The following IL1RAPL1 variants were observed in gnomAD, a reference collection of about 807,000 sequenced individuals.
The protein encoded by IL1RAPL1 is interleukin 1 receptor accessory protein like 1, also known as interleukin-1 receptor accessory protein-like 1.
A neutral mutation model predicts 48.4 loss-of-function variants in IL1RAPL1; 3 were observed. The ratio of observed to expected loss-of-function variants is 0.06; its 90% CI spans 0.03 to 0.16. The LOEUF is 0.16. Among genes scored for constraint, IL1RAPL1 ranks in the 10% least tolerant of loss-of-function variants. IL1RAPL1 has a pLI of 1.00. For missense variants in IL1RAPL1, 349 were observed against 530.6 expected, an observed-to-expected ratio of 0.66 and a Z score of 3.36; for synonymous variants, 185 against 187.7, an observed-to-expected ratio of 0.99 and a Z score of 0.12.
At chrX:28,910,394 A>G (rs772411217) in intron 2 of IL1RAPL1, among the ~76,000 whole-genome samples, 101 of 110,831 alleles carry the variant, frequency 9.1e-4, no homozygotes, top group Middle Eastern at 4.7e-3. Context: ...TTATAGGTCA[A>G]TACATATTTA....
intron 5 of IL1RAPL1, among the ~76,000 whole-genome samples, chrX:29,605,509 C>T (rs1024658038): frequency 2.7e-5 from 3 of 110,338 alleles, no homozygotes; most frequent in African/African-American, 9.9e-5. Flanking sequence ...ACCTTCAAAG[C>T]GGGAATCCTT....
intron 1 of IL1RAPL1, among the ~76,000 whole-genome samples, chrX:28,740,149 C>T (rs774570381): frequency 1.8e-5 from 2 of 111,624 alleles, no homozygotes; most frequent in East Asian, 5.7e-4. Flanking sequence ...AAGTAGAAAT[C>T]ATAAATCCAA....
Position 29,603,152 on chromosome X carries a change from G to T in IL1RAPL1, c.704-65278G>T, listed in dbSNP as rs528448591. Among the ~76,000 whole-genome samples the T allele has an allele frequency of 9.2e-5, 10 of 109,168 alleles. No homozygotes were observed. In the South Asian group the frequency reaches 4.0e-3, roughly 44 times the overall value. 94.8% of individuals were successfully genotyped at this position (109,168 alleles called of 115,157 possible). Reference sequence around the variant, plus strand: ...GTGGTGATGGGCGCCTGTAATCCCAGCTACTCAGGAGTCTGAGGCAGGAGA... The same window carrying T: ...GTGGTGATGGGCGCCTGTAATCCCATCTACTCAGGAGTCTGAGGCAGGAGA... On this transcript the variant is annotated intron_variant, in intron 5 of 10. Transcript: ENST00000378993.
At chrX:29,132,414 A>G in intron 2 of IL1RAPL1, among the ~76,000 whole-genome samples, 1 of 112,058 alleles carries the variant, frequency 8.9e-6, no homozygotes, top group South Asian at 3.7e-4. Context: ...GTTTAGATAC[A>G]CAAATAATTA....
chrX:29,953,540 A>C (rs1469860597), intron 9 of IL1RAPL1, among the ~76,000 whole-genome samples: 1 of 112,077 alleles, frequency 8.9e-6, no homozygotes, highest in African/African-American at 3.2e-5. Context: ...AGTTTCTTTT[A>C]CTTACATTCT....
At chrX:28,986,973 T>A (rs929214771) in intron 2 of IL1RAPL1, among the ~76,000 whole-genome samples, 4 of 112,264 alleles carry the variant, frequency 3.6e-5, no homozygotes, top group African/African-American at 9.7e-5. Flanking sequence ...TATCTTTGAA[T>A]TTTCACTGAG....
At chrX:29,919,264 A>T (rs1378394354) in intron 7 of IL1RAPL1, among the ~76,000 whole-genome samples, 1 of 111,932 alleles carries the variant, frequency 8.9e-6, no homozygotes, top group Non-Finnish European at 1.9e-5. Flanking sequence ...AAATAAATGA[A>T]GGACAATTAA....
Position 28,656,568 on chromosome X carries a change from A to G in IL1RAPL1, c.-25+68521A>G, listed in dbSNP as rs938869464. Among the ~76,000 whole-genome samples, 12 of 110,802 alleles carry G rather than the reference A, an allele frequency of 1.1e-4. No individual in the cohort carries two copies. In the Admixed American group the frequency reaches 1.2e-3, roughly 11 times the overall value. On this transcript the variant is annotated intron_variant, in intron 1 of 10. Transcript: ENST00000378993. ...AAAGCCCCATCACAGCATTTGCCCTATGCCTGGGCTACTCTTACTTCTCTT... is the reference window on the plus strand; with the variant it reads ...AAAGCCCCATCACAGCATTTGCCCTGTGCCTGGGCTACTCTTACTTCTCTT...
intron 5 of IL1RAPL1, among the ~76,000 whole-genome samples, chrX:29,497,402 TAAG>T (rs1935225493): frequency 1.8e-5 from 2 of 111,988 alleles, no homozygotes; most frequent in South Asian, 3.7e-4. Context: ...CTAAATTTAA[TAAG>T]AAGATTGAAA....
intron 3 of IL1RAPL1, among the ~76,000 whole-genome samples, chrX:29,362,652 T>G (rs886621130): frequency 8.9e-6 from 1 of 112,000 alleles, no homozygotes; most frequent in Non-Finnish European, 1.9e-5. Context: ...GAGACTCCGC[T>G]TAGAAACCAC....
At chrX:29,074,335 T>C (rs1374836378) in intron 2 of IL1RAPL1, among the ~76,000 whole-genome samples, 2 of 111,588 alleles carry the variant, frequency 1.8e-5, no homozygotes, top group Non-Finnish European at 3.8e-5. Flanking sequence ...GCCCTGGGCA[T>C]AGCCTGCTTC....
intron 5 of IL1RAPL1, among the ~76,000 whole-genome samples, chrX:29,456,362 G>A (rs903195023): frequency 1.3e-4 from 14 of 111,602 alleles, no homozygotes; most frequent in Non-Finnish European, 2.1e-4. Context: ...GGGGCTAGTG[G>A]TCATGGCTAA....
intron 2 of IL1RAPL1, among the ~76,000 whole-genome samples, chrX:29,209,561 CT>C (rs1171152628): frequency 8.9e-6 from 1 of 111,779 alleles, no homozygotes; most frequent in Non-Finnish European, 1.9e-5. Flanking sequence ...GCTAGGTGCG[CT>C]TATACAGGCA....
At chrX:28,720,828 C>T (rs1243884415) in intron 1 of IL1RAPL1, among the ~76,000 whole-genome samples, 2 of 111,605 alleles carry the variant, frequency 1.8e-5, no homozygotes, top group Admixed American at 9.5e-5. Flanking sequence ...TCAATTCCCA[C>T]CTATGAGTGA....
In IL1RAPL1 at chrX:29,858,190, A is replaced by T. The variant is rs749761323; in HGVS notation, c.779-59274A>T. ...ACAGAAGTACCAGAAACACCCTTCT[A>T]TGAGAAGAATTTACAGTCTATTTAG... On this transcript the variant is annotated intron_variant, in intron 6 of 10. Coordinates refer to ENST00000378993, the MANE Select transcript of IL1RAPL1 (RefSeq NM_014271.4). Among the ~76,000 whole-genome samples, 11 of 111,770 alleles carry T rather than the reference A, an allele frequency of 9.8e-5. 1 individual carries two copies. The South Asian group carries it at 4.1e-3, about 42-fold the overall frequency.
chrX:29,786,021 C>A (rs866169990), intron 6 of IL1RAPL1, among the ~76,000 whole-genome samples: 1 of 8,336 alleles, frequency 1.2e-4, no homozygotes, highest in African/African-American at 4.5e-4. Flanking sequence ...TTTAAAAAGG[C>A]GGGCGGGGGG....
chrX:29,843,789 C>G (rs28506159), intron 6 of IL1RAPL1, among the ~76,000 whole-genome samples: 1,431 of 109,686 alleles, frequency 0.013, 19 homozygotes, highest in African/African-American at 0.045. Flanking sequence ...CTCTCTCTCT[C>G]TCTGTGTGTC....
chrX:28,767,959 G>T (rs921639374), intron 1 of IL1RAPL1, among the ~76,000 whole-genome samples: 1 of 111,468 alleles, frequency 9.0e-6, no homozygotes, highest in Admixed American at 9.6e-5. Context: ...CTAGTATCAT[G>T]CAAATATGTA....
chrX:29,143,421 A>G (rs1003574848), intron 2 of IL1RAPL1, among the ~76,000 whole-genome samples: 6 of 112,054 alleles, frequency 5.4e-5, no homozygotes, highest in Admixed American at 9.4e-5. Flanking sequence ...TTTGCTTTCT[A>G]TGGTTTCAGT....
Sources: gnomAD v4.1 joint callset for allele counts (sites outside exome capture counted in the v4.1 genomes callset) on GRCh38, gnomAD v4.1.1 for gene constraint, MANE v1.5 for transcripts, NCBI Gene and HGNC (gene_info 2026-07-23, HGNC 2026-07-21) for gene names.